The following ACOXL variants were observed in gnomAD, a reference collection of about 807,000 sequenced individuals.
ACOXL encodes acyl-coenzyme A oxidase-like protein.
A neutral mutation model predicts 71.9 loss-of-function variants in ACOXL; 70 were observed. The observed-to-expected ratio is 0.97, with a 90% CI of 0.80 to 1.19. ACOXL has a LOEUF of 1.19. Ranked by LOEUF, ACOXL falls within the 50% of genes most tolerant of loss-of-function variation. ACOXL has a pLI of 0.00. For missense variants in ACOXL, 703 were observed against 736.3 expected (o/e 0.95, Z 0.52); for synonymous variants, 253 against 281.6 (o/e 0.90, Z 1.02).
At chr2:110,880,852 C>G (rs1696550906) in intron 10 of ACOXL, among the ~76,000 whole-genome samples, 1 of 152,134 alleles carries the variant, frequency 6.6e-6, no homozygotes, top group Non-Finnish European at 1.5e-5. Context: ...AATGAAACTC[C>G]TGAGATTGAG....
intron 13 of ACOXL, among the ~76,000 whole-genome samples, chr2:110,989,901 A>C (rs935557823): frequency 6.6e-6 from 1 of 152,106 alleles, no homozygotes; most frequent in African/African-American, 2.4e-5. Flanking sequence ...TTAGCCAGGC[A>C]TGGTGGCACA....
chr2:110,791,021 G>A (rs1216510769), intron 3 of ACOXL, among the ~76,000 whole-genome samples: 1 of 152,236 alleles, frequency 6.6e-6, no homozygotes, highest in African/African-American at 2.4e-5. Context: ...CCTGGCCTGT[G>A]GGCTGGGGCC....
At chr2:110,953,304 G>A (rs200743678) in intron 12 of ACOXL, among the ~76,000 whole-genome samples, 1 of 146,948 alleles carries the variant, frequency 6.8e-6, no homozygotes, top group African/African-American at 2.5e-5. Flanking sequence ...TCTTGTTGTT[G>A]TTATTATCAT....
chr2:111,052,358 G>A (rs2066332063), intron 16 of ACOXL, among the ~76,000 whole-genome samples: 1 of 152,136 alleles, frequency 6.6e-6, no homozygotes, highest in South Asian at 2.1e-4. Context: ...GGGTACTGTG[G>A]TGGCAGGCTT....
intron 16 of ACOXL, among the ~76,000 whole-genome samples, chr2:111,060,804 C>A (rs1459010065): frequency 6.6e-6 from 1 of 152,110 alleles, no homozygotes; most frequent in Admixed American, 6.5e-5. Flanking sequence ...CCAATAAAAT[C>A]ATCTCAGCAA....
At chr2:110,774,802 G>A (rs998240673) in intron 2 of ACOXL, among the ~76,000 whole-genome samples, 3 of 152,138 alleles carry the variant, frequency 2.0e-5, no homozygotes, top group African/African-American at 7.2e-5. Flanking sequence ...TGATTTTTGC[G>A]GAAATAGAAA....
intron 11 of ACOXL, among the ~76,000 whole-genome samples, chr2:110,912,257 T>C (rs1015808193): frequency 3.3e-5 from 5 of 152,026 alleles, no homozygotes; most frequent in African/African-American, 1.2e-4. Flanking sequence ...TTTTTAGAAA[T>C]TGACAAGCTG....
chr2:111,052,454 A>C (rs1375800451), intron 16 of ACOXL, among the ~76,000 whole-genome samples: 2 of 152,022 alleles, frequency 1.3e-5, no homozygotes, highest in African/African-American at 4.8e-5. Flanking sequence ...TCTGTGACTC[A>C]GTTTCCCATC....
chr2:111,008,141 T>C (rs1313591130), intron 14 of ACOXL, among the ~76,000 whole-genome samples: 2 of 152,142 alleles, frequency 1.3e-5, no homozygotes, highest in African/African-American at 2.4e-5. Context: ...AGCCTTTTTT[T>C]CCCCCTCTTT....
intron 2 of ACOXL, among the ~76,000 whole-genome samples, chr2:110,769,226 AAAAGAAAGAAAG>A (rs10599265): frequency 8.9e-4 from 132 of 148,726 alleles, no homozygotes; most frequent in Middle Eastern, 6.8e-3. Flanking sequence ...GCCTCATGAA[AAAAGAAAGAAAG>A]AAAGAAAGAA....
intron 11 of ACOXL, among the ~76,000 whole-genome samples, chr2:110,913,165 T>G (rs931011312): frequency 2.0e-5 from 3 of 152,170 alleles, no homozygotes; most frequent in African/African-American, 7.2e-5. Flanking sequence ...TAATGTAAAA[T>G]GGTATAGTCG....
chr2:111,044,495 G>C (rs982499618), intron 15 of ACOXL, among the ~76,000 whole-genome samples: 4 of 152,250 alleles, frequency 2.6e-5, no homozygotes, highest in Non-Finnish European at 4.4e-5. Context: ...CTGGCGCAAA[G>C]ATTGCGAGAG....
intron 5 of ACOXL, among the ~76,000 whole-genome samples, chr2:110,796,881 C>T (rs1011238445): frequency 5.3e-5 from 8 of 152,254 alleles, no homozygotes; most frequent in African/African-American, 1.7e-4. Context: ...GACTGTATTT[C>T]TTGGCCAGCG....
chr2:110,951,335 A>G (rs578201691), intron 12 of ACOXL, among the ~76,000 whole-genome samples: 15 of 152,226 alleles, frequency 9.9e-5, no homozygotes, highest in Admixed American at 2.0e-4. Context: ...ATTAATTCTA[A>G]CGATCTGTTT....
At chr2:110,797,038 T>TCCC (rs1471518037) in intron 5 of ACOXL, among the ~76,000 whole-genome samples, 1 of 152,194 alleles carries the variant, frequency 6.6e-6, no homozygotes, top group African/African-American at 2.4e-5. Flanking sequence ...TCTCCTGGGC[T>TCCC]CCCAACTTGC....
intron 16 of ACOXL, among the ~76,000 whole-genome samples, chr2:111,070,479 G>A (rs1354398100): frequency 6.6e-6 from 1 of 152,142 alleles, no homozygotes; most frequent in East Asian, 1.9e-4. Context: ...AGGAACAACA[G>A]ACACTGGAGC....
intron 9 of ACOXL, among the ~76,000 whole-genome samples, chr2:110,838,989 C>T (rs1406130702): frequency 2.0e-5 from 3 of 152,192 alleles, no homozygotes; most frequent in African/African-American, 7.2e-5. Context: ...ACAAGGTGTC[C>T]TTTTAAGAAT....
At chr2:110,847,169 C>G (rs940489563) in intron 10 of ACOXL, among the ~76,000 whole-genome samples, 2 of 151,858 alleles carry the variant, frequency 1.3e-5, no homozygotes, top group Non-Finnish European at 2.9e-5. Flanking sequence ...GAACAATTTC[C>G]CCACTGTGTG....
chr2:110,995,246 T>A (rs1388074105), intron 13 of ACOXL, among the ~76,000 whole-genome samples: 1 of 151,850 alleles, frequency 6.6e-6, no homozygotes, highest in Non-Finnish European at 1.5e-5. Context: ...ATGCCTGTAA[T>A]CCCAGCACTT....
Sources: allele counts gnomAD v4.1 joint callset (sites outside exome capture counted in the v4.1 genomes callset), GRCh38; gene constraint gnomAD v4.1.1; transcripts MANE v1.5; gene names NCBI Gene and HGNC (gene_info 2026-07-23, HGNC 2026-07-21).